The following CDH12 variants were observed in gnomAD, a reference collection of about 807,000 sequenced individuals.
CDH12 encodes the protein cadherin-12.
Under a neutral mutation model 74.1 loss-of-function variants are expected in CDH12, and 41 were observed. The ratio of observed to expected loss-of-function variants is 0.55; its 90% CI spans 0.43 to 0.72. CDH12 has a LOEUF of 0.72. Ranked by LOEUF, CDH12 falls within the 30% of genes least tolerant of loss-of-function variation. The pLI is 0.00. For missense variants in CDH12, 945 were observed against 977.2 expected (o/e 0.97, Z 0.44); for synonymous variants, 399 against 355.0 (o/e 1.12, Z -1.39).
chr5:22,025,550 A>T (rs1738290157), intron 5 of CDH12, among the ~76,000 whole-genome samples: 1 of 152,144 alleles, frequency 6.6e-6, no homozygotes. Context: ...TTAACTGATC[A>T]GGGTGGTGGT....
rs533832537 is a variant in CDH12, at chr5:22,271,354, A to C, written c.-332-58711T>G. 1.6e-3 allele frequency among the ~76,000 whole-genome samples: 238 copies of C among 152,216 alleles called. 4 individuals carry two copies. The highest frequency in any genetic ancestry group is 5.6e-3 in the African/African-American group (233 of 41,556). On this transcript the variant is annotated intron_variant, in intron 3 of 14. Transcript: ENST00000382254. ...CAATTCAGTCACATTTTCAGGCCCC[A>C]CTTCTAATGTTGGCTCTCTTGCAAT...
intron 1 of CDH12, among the ~76,000 whole-genome samples, chr5:22,543,269 A>G (rs1037578375): frequency 2.0e-5 from 3 of 152,200 alleles, no homozygotes; most frequent in Non-Finnish European, 4.4e-5. Flanking sequence ...AAATAAAAAT[A>G]TAACAATTGT....
At chr5:22,526,465 C>A (rs1737285463) in intron 1 of CDH12, among the ~76,000 whole-genome samples, 1 of 152,164 alleles carries the variant, frequency 6.6e-6, no homozygotes, top group Non-Finnish European at 1.5e-5. Context: ...AAGCAATCTA[C>A]TTTTAGTGGT....
At chr5:22,845,565 G>T (rs1176954572) in intron 1 of CDH12, among the ~76,000 whole-genome samples, 1 of 152,160 alleles carries the variant, frequency 6.6e-6, no homozygotes. Context: ...CATATGATAT[G>T]AAGTAGGTCC....
chr5:22,674,187 C>A (rs1196374401), intron 1 of CDH12, among the ~76,000 whole-genome samples: 1 of 152,166 alleles, frequency 6.6e-6, no homozygotes, highest in Admixed American at 6.5e-5. Flanking sequence ...TTGGCTATGC[C>A]TCCACCCAAA....
At chr5:22,457,646 T>C (rs1179405361) in intron 2 of CDH12, among the ~76,000 whole-genome samples, 1 of 151,374 alleles carries the variant, frequency 6.6e-6, no homozygotes, top group Admixed American at 6.6e-5. Flanking sequence ...TGGTGCGATC[T>C]TGGCTCATTG....
intron 1 of CDH12, among the ~76,000 whole-genome samples, chr5:22,610,695 T>G (rs1017765983): frequency 1.3e-5 from 2 of 152,072 alleles, no homozygotes; most frequent in South Asian, 2.1e-4. Flanking sequence ...TTTTAATATC[T>G]TATTTTACTC....
intron 2 of CDH12, among the ~76,000 whole-genome samples, chr5:22,456,129 ATATAT>A (rs1745260148): frequency 1.6e-5 from 2 of 125,454 alleles, no homozygotes; most frequent in African/African-American, 5.8e-5. Context: ...ATATATATAT[ATATAT>A]AAAACGATCT....
intron 6 of CDH12, among the ~76,000 whole-genome samples, chr5:21,903,233 G>A (rs1753481333): frequency 6.6e-6 from 1 of 152,130 alleles, no homozygotes; most frequent in Non-Finnish European, 1.5e-5. Context: ...CCCAAATGTT[G>A]AATTCTACAC....
intron 1 of CDH12, among the ~76,000 whole-genome samples, chr5:22,618,811 G>A (rs991339090): frequency 1.3e-5 from 2 of 152,002 alleles, no homozygotes; most frequent in Non-Finnish European, 2.9e-5. Flanking sequence ...GGAGGTAATT[G>A]AATCATGGGG....
At chr5:21,752,761 GGAAA>G (rs1438547396) in intron 14 of CDH12, among the ~76,000 whole-genome samples, 4 of 151,516 alleles carry the variant, frequency 2.6e-5, no homozygotes, top group African/African-American at 9.7e-5. Flanking sequence ...AAGGAAGAAA[GGAAA>G]GAAGGAAGGA....
At chr5:22,680,707 A>G (rs1453374107) in intron 1 of CDH12, among the ~76,000 whole-genome samples, 1 of 151,892 alleles carries the variant, frequency 6.6e-6, no homozygotes, top group Non-Finnish European at 1.5e-5. Flanking sequence ...CACATTGGGC[A>G]GCCACATAGA....
intron 2 of CDH12, among the ~76,000 whole-genome samples, chr5:22,474,880 C>T (rs1376476647): frequency 6.6e-6 from 1 of 151,984 alleles, no homozygotes; most frequent in African/African-American, 2.4e-5. Flanking sequence ...TAGAATATTT[C>T]TCATTAGTAA....
At chr5:22,339,302 G>T (rs2150452924) in intron 3 of CDH12, among the ~76,000 whole-genome samples, 1 of 152,264 alleles carries the variant, frequency 6.6e-6, no homozygotes, top group South Asian at 2.1e-4. Context: ...AGGTTGGACA[G>T]TTTTTTAGTG....
chr5:22,225,398 T>G (rs1428195296), intron 3 of CDH12, among the ~76,000 whole-genome samples: 1 of 152,076 alleles, frequency 6.6e-6, no homozygotes, highest in Non-Finnish European at 1.5e-5. Flanking sequence ...TCTCCCTGGA[T>G]AAATGATGAA....
intron 1 of CDH12, chr5:22,639,102 A>AGCAG (rs1455573373): frequency 1.4e-5 from 2 of 146,476 alleles, no homozygotes; most frequent in Non-Finnish European, 3.0e-5. Flanking sequence ...TGCCTGGAGA[A>AGCAG]GCAGACGTTT....
chr5:22,785,715 G>A (rs1424740199), intron 1 of CDH12, among the ~76,000 whole-genome samples: 5 of 152,034 alleles, frequency 3.3e-5, no homozygotes, highest in Admixed American at 6.6e-5. Flanking sequence ...ATGGGGTTTC[G>A]CCATGTTGCC....
At chr5:21,899,068 T>C (rs888117558) in intron 6 of CDH12, among the ~76,000 whole-genome samples, 3 of 152,196 alleles carry the variant, frequency 2.0e-5, no homozygotes, top group Non-Finnish European at 4.4e-5. Flanking sequence ...CCTTCCCACC[T>C]GGGGGTTGTT....
intron 4 of CDH12, among the ~76,000 whole-genome samples, chr5:22,206,185 G>A (rs1322591454): frequency 6.6e-6 from 1 of 151,990 alleles, no homozygotes; most frequent in Non-Finnish European, 1.5e-5. Context: ...GCAGAGTAGG[G>A]GGCAGTGGTG....
Sources: gnomAD v4.1 joint callset for allele counts (sites outside exome capture counted in the v4.1 genomes callset) on GRCh38, gnomAD v4.1.1 for gene constraint, MANE v1.5 for transcripts, NCBI Gene and HGNC (gene_info 2026-07-23, HGNC 2026-07-21) for gene names.